Variants in MAN1C1 observed in about 807,000 individuals in gnomAD.
MAN1C1 encodes the protein mannosidase alpha class 1C member 1.
MAN1C1 carries 49 observed loss-of-function variants against 71.5 expected under a neutral mutation model. That is an observed-to-expected ratio of 0.69 (90% CI 0.54 to 0.87). The LOEUF is 0.87. Ranked by LOEUF, MAN1C1 falls within the 40% of genes least tolerant of loss-of-function variation. The probability of loss-of-function intolerance (pLI) is 0.00; values close to 1 mark genes in which losing one functional copy is unlikely to be tolerated. For synonymous variants in MAN1C1, 352 were observed against 343.7 expected, an observed-to-expected ratio of 1.02 and a Z score of -0.27; for missense variants, 743 against 835.0, an observed-to-expected ratio of 0.89 and a Z score of 1.36.
intron 1 of MAN1C1, among the ~76,000 whole-genome samples, chr1:25,648,918 C>T (rs775300226): frequency 2.6e-5 from 4 of 152,168 alleles, no homozygotes; most frequent in Non-Finnish European, 5.9e-5. Context: ...AAAAGAAAAG[C>T]AGAGCAGAAC....
rs907448363 is a variant in MAN1C1 at position 25,776,804 on chromosome 1, A to G, written c.1258-1301A>G. Among the ~76,000 whole-genome samples, 3 of 152,166 alleles carry G rather than the reference A, an allele frequency of 2.0e-5. No homozygotes were observed. Among genetic ancestry groups the G allele is most frequent in the African/African-American group, 7.2e-5 (3 of 41,438 alleles). On this transcript the variant is annotated intron_variant, in intron 8 of 11. Coordinates refer to ENST00000374332, the MANE Select transcript of MAN1C1 (RefSeq NM_020379.4). The surrounding 1 kb of genome is among the most constrained non-coding windows in gnomAD (Gnocchi z 4.3). ...AGGAGGGAGGGGCAGGAGACAGACTAGAGTGGAATCATAGGGGTCAGTAAT... is the reference window on the plus strand; with the variant it reads ...AGGAGGGAGGGGCAGGAGACAGACTGGAGTGGAATCATAGGGGTCAGTAAT...
intron 2 of MAN1C1, among the ~76,000 whole-genome samples, chr1:25,733,980 T>A (rs925749361): frequency 1.3e-5 from 2 of 151,886 alleles, no homozygotes; most frequent in Non-Finnish European, 2.9e-5. Context: ...TTTATATTTT[T>A]AGTAGAGATG....
Position 25,769,021 on chromosome 1 carries a change from C to T in MAN1C1, c.1142-2636C>T, listed in dbSNP as rs1265652748. 6.8e-6 allele frequency among the ~76,000 whole-genome samples: 1 copy of T among 147,162 alleles called. No individual in the cohort carries two copies. Among genetic ancestry groups the T allele is most frequent in the Admixed American group, 6.8e-5 (1 of 14,780 alleles). ...ATACACTACACACTCCCCTCAGGCA[C>T]ACACACTACACACCACCCACACTCC... On this transcript the variant is annotated intron_variant, in intron 7 of 11. Transcript: ENST00000374332. The surrounding 1 kb of genome is among the most constrained non-coding windows in gnomAD (Gnocchi z 4.8).
intron 2 of MAN1C1, among the ~76,000 whole-genome samples, chr1:25,695,110 C>G (rs2046353634): frequency 6.6e-6 from 1 of 151,970 alleles, no homozygotes; most frequent in Non-Finnish European, 1.5e-5. Context: ...AAAAAAAATC[C>G]ATAGCTCCTG....
intron 2 of MAN1C1, among the ~76,000 whole-genome samples, chr1:25,690,277 G>A (rs1458050090): frequency 6.7e-6 from 1 of 149,098 alleles, no homozygotes; most frequent in Non-Finnish European, 1.5e-5. Context: ...GGCTAAGGCT[G>A]ATCTCTGCCT....
At chr1:25,690,288 C>CTTTTTTTTTT (rs33932251) in intron 2 of MAN1C1, among the ~76,000 whole-genome samples, 2 of 119,762 alleles carry the variant, frequency 1.7e-5, no homozygotes, top group Non-Finnish European at 3.3e-5. Context: ...ATCTCTGCCT[C>CTTTTTTTTTT]TTTTTTTTTT....
At position 25,778,781 on chromosome 1, in the gene MAN1C1, C is replaced by T. The variant is rs895667991; in HGVS notation, c.1477+457C>T. On this transcript the variant is annotated intron_variant, in intron 9 of 11. Coordinates refer to ENST00000374332, the MANE Select transcript of MAN1C1 (RefSeq NM_020379.4). The surrounding 1 kb of genome is among the most constrained non-coding windows in gnomAD (Gnocchi z 5.5). ...CCCTCCTTAGAGGGGGTTTCACCGC[C>T]TCCTGCTCCCACCTGTTTAGTCGCC... is the stretch of plus-strand genomic sequence containing the variant. Among the ~76,000 whole-genome samples the T allele has an allele frequency of 6.6e-6, 1 of 152,190 alleles. No homozygotes were observed. The highest frequency in any genetic ancestry group is 6.5e-5 in the Admixed American group (1 of 15,290).
In MAN1C1 at chr1:25,753,624, C is replaced by T. The variant is rs767099381; in HGVS notation, c.929+46C>T. On this transcript the variant is annotated intron_variant, in intron 5 of 11. Coordinates refer to ENST00000374332, the MANE Select transcript of MAN1C1 (RefSeq NM_020379.4). The surrounding 1 kb of genome is among the most constrained non-coding windows in gnomAD (Gnocchi z 4.9). ...CCACTGGGGCTTTACTGCGACCATG[C>T]CCACCATTTGTGTTTTGTCTGGGTG... 6.4e-7 allele frequency: 1 copy of T among 1,553,936 alleles called. No individual in the cohort carries two copies. The highest frequency in any genetic ancestry group is 1.1e-5 in the South Asian group (1 of 88,164).
At chr1:25,771,831 GGCCGA>G (rs1364710795) in intron 8 of MAN1C1, 59 bp downstream of exon 8, 135 of 1,406,524 alleles carry the variant, frequency 9.6e-5, no homozygotes, top group Non-Finnish European at 1.1e-4. Flanking sequence ...GCTCTCTCAC[GGCCGA>G]GCGAGGGTGC....
At chr1:25,729,289 A>T (rs948547643) in intron 2 of MAN1C1, among the ~76,000 whole-genome samples, 5 of 151,624 alleles carry the variant, frequency 3.3e-5, no homozygotes, top group Admixed American at 1.3e-4. Context: ...GTTGCTCTCC[A>T]CCCTGCGGGT....
chr1:25,633,552 C>A (rs1313559006), intron 1 of MAN1C1, among the ~76,000 whole-genome samples: 3 of 130,988 alleles, frequency 2.3e-5, no homozygotes, highest in Non-Finnish European at 3.2e-5. Context: ...TTTTTTTTCA[C>A]TGTTGTTGCT....
In MAN1C1 at chr1:25,686,447, A is replaced by G. The variant is rs372105243; in HGVS notation, c.548A>G (p.Gln183Arg). 1.9e-6 allele frequency: 3 copies of G among 1,613,964 alleles called. No individual in the cohort carries two copies. Among genetic ancestry groups the G allele is most frequent in the African/African-American group, 1.3e-5 (1 of 74,936 alleles). Residue 183 changes from glutamine (Q) to arginine (R), a missense_variant, in exon 2 of 12, where the codon CAG becomes CGG. By Grantham distance (43) the Gln-to-Arg change is conservative (BLOSUM62 1). Coordinates refer to ENST00000374332, the MANE Select transcript of MAN1C1 (RefSeq NM_020379.4). ...AQREKIKEMM[Q>R]FAWQSYKRYA... ...TGCTGCTTTTTCTTGCAGATGATGC[A>G]GTTTGCTTGGCAGAGCTATAAGCGT...
At chr1:25,704,433 C>T (rs2046489974) in intron 2 of MAN1C1, among the ~76,000 whole-genome samples, 1 of 152,202 alleles carries the variant, frequency 6.6e-6, no homozygotes, top group Admixed American at 6.5e-5. Context: ...GACCATGTGG[C>T]TCCCAATGTG....
At chr1:25,667,549 TTC>T (rs377201486) in intron 1 of MAN1C1, among the ~76,000 whole-genome samples, 1 of 151,968 alleles carries the variant, frequency 6.6e-6, no homozygotes, top group East Asian at 1.9e-4. Flanking sequence ...GATCTGAGTT[TTC>T]TCTCTGTCCC....
intron 1 of MAN1C1, among the ~76,000 whole-genome samples, chr1:25,664,661 C>T (rs1020069534): frequency 6.6e-5 from 10 of 152,176 alleles, no homozygotes; most frequent in Non-Finnish European, 1.5e-4. Context: ...ATTTCTTGGC[C>T]TTGGCTACAG....
At chr1:25,761,700 T>G in intron 6 of MAN1C1, 1 of 140,256 alleles carries the variant, frequency 7.1e-6, no homozygotes, top group East Asian at 2.3e-4. Flanking sequence ...CTCGGCTCAC[T>G]GCAACCTCCA....
intron 2 of MAN1C1, among the ~76,000 whole-genome samples, chr1:25,698,010 G>A (rs962126850): frequency 1.3e-5 from 2 of 152,182 alleles, no homozygotes; most frequent in Non-Finnish European, 2.9e-5. Context: ...CCTGCTAAGC[G>A]CTGGTCTAGA....
intron 2 of MAN1C1, among the ~76,000 whole-genome samples, chr1:25,732,474 C>A (rs955338941): frequency 1.3e-5 from 2 of 152,172 alleles, no homozygotes; most frequent in Non-Finnish European, 2.9e-5. Context: ...AGGAATTGCA[C>A]CCTCCTCCTC....
intron 1 of MAN1C1, among the ~76,000 whole-genome samples, chr1:25,674,024 C>A (rs766992376): frequency 6.6e-6 from 1 of 152,212 alleles, no homozygotes; most frequent in Non-Finnish European, 1.5e-5. Flanking sequence ...CTTCCTGCCC[C>A]CACCTAACAC....
Sources: gnomAD v4.1 joint callset for allele counts (sites outside exome capture counted in the v4.1 genomes callset) on GRCh38, gnomAD v4.1.1 for gene constraint, Gnocchi (gnomAD v3.1) non-coding constraint, MANE v1.5 for transcripts, NCBI Gene and HGNC (gene_info 2026-07-23, HGNC 2026-07-21) for gene names.